NTMT1: variants seen among roughly 807,000 people sequenced by gnomAD.
NTMT1 encodes N-terminal Xaa-Pro-Lys N-methyltransferase 1.
Under a neutral mutation model 17.5 loss-of-function variants are expected in NTMT1, and 8 were observed. The ratio of observed to expected loss-of-function variants is 0.46; its 90% CI spans 0.27 to 0.82. The LOEUF is 0.82. NTMT1 is among the 40% of genes least tolerant of loss of function. The pLI is 0.15. For synonymous variants in NTMT1, 128 were observed against 126.8 expected, an observed-to-expected ratio of 1.01 and a Z score of -0.06; for missense variants, 221 against 303.5, an observed-to-expected ratio of 0.73 and a Z score of 2.02.
intron 1 of NTMT1, among the ~76,000 whole-genome samples, chr9:129,618,531 A>C (rs1003893673): frequency 1.1e-4 from 16 of 152,084 alleles, no homozygotes; most frequent in African/African-American, 3.9e-4. Flanking sequence ...ATGATTATGT[A>C]GATGGGTATG....
chr9:129,623,925 C>T (rs971067535), upstream of NTMT1, among the ~76,000 whole-genome samples: 4 of 148,326 alleles, frequency 2.7e-5, no homozygotes, highest in African/African-American at 1.0e-4. Flanking sequence ...TCCCGAGTAG[C>T]TGGGATTACA....
chr9:129,623,342 A>ATAG (rs1554775217), upstream of NTMT1, among the ~76,000 whole-genome samples: 8 of 141,754 alleles, frequency 5.6e-5, no homozygotes, highest in Non-Finnish European at 4.6e-5. Context: ...CAAAAAAAAA[A>ATAG]AAAGAAGGAA....
At chr9:129,619,061 T>C (rs1365977950) in intron 1 of NTMT1, among the ~76,000 whole-genome samples, 1 of 151,894 alleles carries the variant, frequency 6.6e-6, no homozygotes, top group Non-Finnish European at 1.5e-5. Context: ...GTTGGCCAGG[T>C]AGATGAATGG....
chr9:129,612,370 T>C, intron 1 of NTMT1: 1 of 1,613,834 alleles, frequency 6.2e-7, no homozygotes, highest in Non-Finnish European at 8.5e-7. Context: ...GGCTGCAGTG[T>C]TGCGGAGGCC....
chr9:129,613,863 G>A lies in NTMT1; in HGVS notation c.-55+4685G>A, dbSNP rs1002753033. On this transcript the variant is annotated intron_variant, in intron 1 of 3. Transcript: ENST00000372486. The surrounding 1 kb of genome is among the most constrained non-coding windows in gnomAD (Gnocchi z 6.2). ...AGCGTGCCCCCTTTCTCGCAGTGGG[G>A]AGACCACTTACCCCATCATAGAAAT... 2.0e-5 allele frequency among the ~76,000 whole-genome samples: 3 copies of A among 152,212 alleles called. No individual in the cohort carries two copies. The highest frequency in any genetic ancestry group is 6.5e-5 in the Admixed American group (1 of 15,286).
chr9:129,631,377 G>A (rs1164913365), intron 1 of NTMT1, among the ~76,000 whole-genome samples: 1 of 152,238 alleles, frequency 6.6e-6, no homozygotes, highest in African/African-American at 2.4e-5. Flanking sequence ...ACAGCACTGT[G>A]CCTTGGGAAG....
rs1375292430 is a variant in NTMT1 at position 129,614,013 on chromosome 9, C to T, written c.-55+4835C>T. 6.6e-6 allele frequency among the ~76,000 whole-genome samples: 1 copy of T among 152,178 alleles called. No individual in the cohort carries two copies. Among genetic ancestry groups the T allele is most frequent in the Non-Finnish European group, 1.5e-5 (1 of 68,032 alleles). On this transcript the variant is annotated intron_variant, in intron 1 of 3. Coordinates refer to the NTMT1 transcript ENST00000372486. This position sits in a 1 kb window ranked among gnomAD's most constrained non-coding sequence, Gnocchi z 4.4. ...ACCCTGAGTTCCCCAATGGCTGCCCCAGGATGGAAAGGGCTGGGAAGCAGC... is the reference window on the plus strand; with the variant it reads ...ACCCTGAGTTCCCCAATGGCTGCCCTAGGATGGAAAGGGCTGGGAAGCAGC...
intron 1 of NTMT1, among the ~76,000 whole-genome samples, chr9:129,611,187 T>C (rs1830107700): frequency 6.6e-6 from 1 of 152,174 alleles, no homozygotes; most frequent in Non-Finnish European, 1.5e-5. Flanking sequence ...CCCATTCCTT[T>C]GCCATTAAAC....
intron 1 of NTMT1, among the ~76,000 whole-genome samples, chr9:129,630,220 C>T (rs1488645884): frequency 1.3e-5 from 2 of 152,150 alleles, no homozygotes; most frequent in Non-Finnish European, 2.9e-5. Flanking sequence ...TGCCTGTAAT[C>T]CCAACACCTT....
upstream of NTMT1, among the ~76,000 whole-genome samples, chr9:129,625,216 G>A (rs1280150679): frequency 2.0e-5 from 3 of 152,178 alleles, no homozygotes; most frequent in Non-Finnish European, 4.4e-5. Context: ...GAATTTCTTT[G>A]CATGGGAGGA....
intron 1 of NTMT1, among the ~76,000 whole-genome samples, chr9:129,616,470 C>G (rs1348536912): frequency 6.6e-6 from 1 of 152,198 alleles, no homozygotes; most frequent in Non-Finnish European, 1.5e-5. Flanking sequence ...CCCCCCTTCG[C>G]CTTCCTAAGT....
At chr9:129,624,337 C>T (rs925246106), upstream of NTMT1, among the ~76,000 whole-genome samples, 16 of 152,102 alleles carry the variant, frequency 1.1e-4, no homozygotes, top group Non-Finnish European at 1.9e-4. Context: ...TGCCCCCTGG[C>T]GGAGGATTCC....
Position 129,632,780 on chromosome 9 carries a change from C to T in NTMT1, c.77C>T (p.Thr26Met). Residue 26 changes from threonine (T) to methionine (M), a missense_variant, in exon 2 of 4, where the codon ACG (threonine) becomes ATG (methionine). Transcript: ENST00000372483. ...AKTYWKQIPP[T>M]VDGMLGGYGH... ...ACCTACTGGAAACAAATCCCACCCA[C>T]GGTGGACGGCATGCTTGGGGGGTAT... 1 of 1,614,172 alleles carries T rather than the reference C, an allele frequency of 6.2e-7. No homozygotes were observed.
chr9:129,635,793 C>T lies in NTMT1; in HGVS notation c.*329C>T, dbSNP rs2270402. 12 of 252,394 alleles carry T rather than the reference C, an allele frequency of 4.8e-5. No individual in the cohort carries two copies. Among genetic ancestry groups the T allele is most frequent in the Admixed American group, 2.6e-4 (5 of 19,194 alleles). 15.6% of individuals were successfully genotyped at this position (252,394 alleles called of 1,614,324 possible). On this transcript the variant is annotated 3_prime_UTR_variant, in exon 4 of 4. Coordinates refer to ENST00000372483, the MANE Select transcript of NTMT1 (RefSeq NM_014064.4). ...TAACCGATTCCCTGGGCCTCCAGCC[C>T]GGCCTTCCAGCCATGGGCCTGGCTG...
Position 129,635,744 on chromosome 9 carries a change from G to C in NTMT1, c.*280G>C, listed in dbSNP as rs778008792. On this transcript the variant is annotated 3_prime_UTR_variant, in exon 4 of 4. Coordinates refer to ENST00000372483, the MANE Select transcript of NTMT1 (RefSeq NM_014064.4). The stretch of plus-strand genomic sequence containing the variant: ...CTCCAGGGCTCCTGGTGCTCCCCAT[G>C]TGGGAATAGGGTGGCCACATCAGTA... The C allele has an allele frequency of 2.5e-4, 99 of 402,304 alleles. No homozygotes were observed. The highest frequency in any genetic ancestry group is 6.3e-5 in the Non-Finnish European group (14 of 221,356). 24.9% of individuals were successfully genotyped at this position (402,304 alleles called of 1,614,324 possible). A position where few individuals can be genotyped will look rare whatever the true frequency, so the allele number is the denominator to read the frequency against.
At chr9:129,624,498 T>C (rs1181540013), upstream of NTMT1, among the ~76,000 whole-genome samples, 1 of 152,190 alleles carries the variant, frequency 6.6e-6, no homozygotes, top group African/African-American at 2.4e-5. Context: ...CATACACACA[T>C]CCTGCGGACT....
In NTMT1 at chr9:129,613,128, G is replaced by C; in HGVS notation, c.-55+3950G>C. On this transcript the variant is annotated intron_variant, in intron 1 of 3. Coordinates refer to the NTMT1 transcript ENST00000372486. This position sits in a 1 kb window ranked among gnomAD's most constrained non-coding sequence, Gnocchi z 6.2. ...CCACCTGCTCCAGGTTTCTGTGCGG[G>C]TCCAAGAAGGCTCGGAGGCTGCTTC... 6.2e-7 allele frequency: 1 copy of C among 1,613,914 alleles called. No homozygotes were observed. The highest frequency in any genetic ancestry group is 8.5e-7 in the Non-Finnish European group (1 of 1,180,008).
chr9:129,616,510 G>A (rs12553839), intron 1 of NTMT1, among the ~76,000 whole-genome samples: 1 of 151,866 alleles, frequency 6.6e-6, no homozygotes, highest in African/African-American at 2.4e-5. Context: ...GCCACCGCCC[G>A]CCCGCCTGCC....
intron 1 of NTMT1, among the ~76,000 whole-genome samples, chr9:129,610,302 C>A (rs1205719368): frequency 7.0e-6 from 1 of 143,692 alleles, no homozygotes; most frequent in Non-Finnish European, 1.5e-5. Context: ...CAGGCCCCGC[C>A]CCCCCCCCAC....
Sources: gnomAD v4.1 joint callset for allele counts (sites outside exome capture counted in the v4.1 genomes callset) on GRCh38, gnomAD v4.1.1 for gene constraint, Gnocchi (gnomAD v3.1) non-coding constraint, MANE v1.5 for transcripts, NCBI Gene and HGNC (gene_info 2026-07-23, HGNC 2026-07-21) for gene names.